The following DMD variants were observed in gnomAD, a reference collection of about 807,000 sequenced individuals.
The protein encoded by DMD is dystrophin.
DMD carries 63 observed loss-of-function variants against 330.1 expected under a neutral mutation model. The ratio of observed to expected loss-of-function variants is 0.19; its 90% confidence interval spans 0.16 to 0.24. DMD has a LOEUF of 0.24. Among genes scored for constraint, DMD ranks in the 10% least tolerant of loss-of-function variants. The probability of loss-of-function intolerance (pLI) is 1.00; values close to 1 mark genes in which losing one functional copy is unlikely to be tolerated. For synonymous variants in DMD, 1,223 were observed against 959.8 expected (o/e 1.27, Z -5.07); for missense variants, 3,344 against 2,684.1 (o/e 1.25, Z -5.43).
chrX:31,962,377 G>A (rs1218145583), intron 45 of DMD, among the ~76,000 whole-genome samples: 1 of 111,778 alleles, frequency 8.9e-6, no homozygotes, highest in Non-Finnish European at 1.9e-5. Context: ...GACAAAGCTT[G>A]CTTACCCCAG....
intron 42 of DMD, among the ~76,000 whole-genome samples, chrX:32,301,822 C>T (rs1246748274): frequency 9.0e-6 from 1 of 110,836 alleles, no homozygotes; most frequent in African/African-American, 3.3e-5. Context: ...TTTTAAGTTA[C>T]TGAACTAGAA....
chrX:31,998,624 G>A (rs1212464030), intron 44 of DMD, among the ~76,000 whole-genome samples: 1 of 111,709 alleles, frequency 9.0e-6, no homozygotes, highest in Non-Finnish European at 1.9e-5. Flanking sequence ...ACAGTCCACA[G>A]TTCAGCTTTT....
chrX:32,619,831 G>A (rs552629477), intron 11 of DMD, among the ~76,000 whole-genome samples: 3 of 111,537 alleles, frequency 2.7e-5, no homozygotes, highest in Admixed American at 9.6e-5. Context: ...TAGCATCCCC[G>A]GAACTGGAAG....
chrX:32,452,475 GGAAAGGAAAGGAAA>G (rs2098337993), intron 26 of DMD, among the ~76,000 whole-genome samples: 1 of 18,009 alleles, frequency 5.6e-5, no homozygotes, highest in Non-Finnish European at 1.3e-4. Flanking sequence ...GGAAAGGAAA[GGAAAGGAAAGGAAA>G]GGAAAGGAAA....
intron 57 of DMD, among the ~76,000 whole-genome samples, chrX:31,487,329 C>T (rs769332513): frequency 1.8e-5 from 2 of 108,335 alleles, no homozygotes; most frequent in South Asian, 4.1e-4. Flanking sequence ...TGCGCGATCT[C>T]GGCTCACTGC....
At chrX:31,282,353 G>C (rs1011504005) in intron 62 of DMD, among the ~76,000 whole-genome samples, 11 of 111,219 alleles carry the variant, frequency 9.9e-5, no homozygotes, top group Non-Finnish European at 1.9e-4. Context: ...TCATTCATTG[G>C]AGGGAAAAGT....
intron 1 of DMD, among the ~76,000 whole-genome samples, chrX:33,188,248 C>T (rs2050355466): frequency 9.0e-6 from 1 of 110,562 alleles, no homozygotes; most frequent in Non-Finnish European, 1.9e-5. Flanking sequence ...CTCTCTCTCT[C>T]TCTCTCTCTG....
At chrX:32,670,203 T>C (rs1228891745) in intron 9 of DMD, among the ~76,000 whole-genome samples, 1 of 111,807 alleles carries the variant, frequency 8.9e-6, no homozygotes, top group Non-Finnish European at 1.9e-5. Flanking sequence ...TAAGAGTGTC[T>C]GTCTCCTCTC....
intron 4 of DMD, among the ~76,000 whole-genome samples, chrX:32,844,280 C>A (rs1424238966): frequency 9.1e-6 from 1 of 109,414 alleles, no homozygotes; most frequent in Non-Finnish European, 1.9e-5. Flanking sequence ...GTGGCATGTG[C>A]CTGTAATCCC....
intron 2 of DMD, among the ~76,000 whole-genome samples, chrX:32,972,622 TA>T (rs2147143070): frequency 8.9e-6 from 1 of 112,481 alleles, no homozygotes; most frequent in African/African-American, 3.2e-5. Flanking sequence ...TATTCAGTAA[TA>T]TGCCAGTATT....
At chrX:32,593,620 C>CT (rs1293618256) in intron 13 of DMD, among the ~76,000 whole-genome samples, 5 of 110,373 alleles carry the variant, frequency 4.5e-5, no homozygotes, top group South Asian at 3.9e-4. Context: ...GTGACAAATT[C>CT]TTTTTTTTAA....
intron 1 of DMD, among the ~76,000 whole-genome samples, chrX:33,299,282 G>T (rs1203592778): frequency 1.8e-5 from 2 of 110,918 alleles, no homozygotes; most frequent in East Asian, 2.8e-4. Context: ...TTTTTCTTTT[G>T]GTACTTGTAG....
chrX:31,784,834 T>A (rs189008604), intron 50 of DMD, among the ~76,000 whole-genome samples: 1 of 112,168 alleles, frequency 8.9e-6, no homozygotes, highest in Admixed American at 9.5e-5. Flanking sequence ...TAAGCAATGA[T>A]GTTTGGTAGC....
At chrX:32,919,939 TG>T (rs1468293481) in intron 2 of DMD, among the ~76,000 whole-genome samples, 2 of 111,975 alleles carry the variant, frequency 1.8e-5, no homozygotes, top group African/African-American at 6.5e-5. Context: ...AGCCTAAATG[TG>T]ATCTTTGCAA....
At chrX:32,882,933 T>G (rs1463964760) in intron 2 of DMD, among the ~76,000 whole-genome samples, 1 of 112,322 alleles carries the variant, frequency 8.9e-6, no homozygotes, top group African/African-American at 3.2e-5. Context: ...TGTATGCAGC[T>G]TTCTTAACAT....
chrX:32,514,655 G>A (rs1014333456), intron 18 of DMD, among the ~76,000 whole-genome samples: 2 of 112,310 alleles, frequency 1.8e-5, no homozygotes, highest in East Asian at 5.6e-4. Flanking sequence ...GCAGGAGAAC[G>A]GCGTGAACCC....
At chrX:32,175,435 A>G (rs966716114) in intron 44 of DMD, among the ~76,000 whole-genome samples, 5 of 111,013 alleles carry the variant, frequency 4.5e-5, no homozygotes, top group Non-Finnish European at 9.4e-5. Context: ...TGGCCACCCA[A>G]GCCAGCAGCG....
intron 1 of DMD, among the ~76,000 whole-genome samples, chrX:33,038,663 T>C (rs1315246400): frequency 7.1e-5 from 8 of 111,960 alleles, no homozygotes; most frequent in Admixed American, 9.5e-5. Context: ...ACAGTAGATA[T>C]GTGAATTTTG....
At chrX:32,338,353 A>C (rs1207064697) in intron 41 of DMD, among the ~76,000 whole-genome samples, 1 of 111,108 alleles carries the variant, frequency 9.0e-6, no homozygotes, top group Non-Finnish European at 1.9e-5. Context: ...AAATTTCATT[A>C]ATATGAAATA....
Sources: allele counts gnomAD v4.1 joint callset (sites outside exome capture counted in the v4.1 genomes callset), GRCh38; gene constraint gnomAD v4.1.1; transcripts MANE v1.5; gene names NCBI Gene and HGNC (gene_info 2026-07-23, HGNC 2026-07-21).